NIBAN1: variants seen among roughly 807,000 people sequenced by gnomAD.
NIBAN1 encodes protein Niban 1.
A neutral mutation model predicts 75.1 loss-of-function variants in NIBAN1; 81 were observed. The observed-to-expected ratio is 1.08, with a 90% CI of 0.90 to 1.30. The LOEUF (loss-of-function observed/expected upper bound fraction) is 1.30. Ranked by LOEUF, NIBAN1 falls within the 50% of genes most tolerant of loss-of-function variation. NIBAN1 has a pLI of 0.00. For missense variants in NIBAN1, 1,133 were observed against 1,128.1 expected (o/e 1.00, Z -0.06); for synonymous variants, 436 against 424.8 (o/e 1.03, Z -0.32).
intron 1 of NIBAN1, among the ~76,000 whole-genome samples, chr1:184,956,888 A>G (rs772022371): frequency 3.9e-5 from 6 of 152,326 alleles, no homozygotes; most frequent in Middle Eastern, 3.4e-3. Flanking sequence ...TGAGTGAGAT[A>G]CAAATCACTA....
At chr1:184,905,422 C>A (rs1402974837) in intron 1 of NIBAN1, among the ~76,000 whole-genome samples, 2 of 152,064 alleles carry the variant, frequency 1.3e-5, no homozygotes, top group Non-Finnish European at 2.9e-5. Flanking sequence ...ATATCACTAT[C>A]TTTGTAAGAA....
intron 1 of NIBAN1, among the ~76,000 whole-genome samples, chr1:184,905,414 A>G (rs1235128440): frequency 6.6e-6 from 1 of 152,046 alleles, no homozygotes; most frequent in Non-Finnish European, 1.5e-5. Flanking sequence ...GCAAGATCAT[A>G]TCACTATCTT....
At chr1:184,812,511 T>C (rs554268174) in intron 9 of NIBAN1, among the ~76,000 whole-genome samples, 1 of 152,300 alleles carries the variant, frequency 6.6e-6, no homozygotes, top group African/African-American at 2.4e-5. Context: ...CTGGCTTCTC[T>C]CTATATATAA....
At chr1:184,946,494 G>C (rs1199507709) in intron 1 of NIBAN1, among the ~76,000 whole-genome samples, 1 of 151,980 alleles carries the variant, frequency 6.6e-6, no homozygotes, top group South Asian at 2.1e-4. Flanking sequence ...AAGGATGAAT[G>C]GAAATGTATG....
chr1:184,808,917 T>A (rs1344549052), intron 9 of NIBAN1, among the ~76,000 whole-genome samples: 2 of 152,224 alleles, frequency 1.3e-5, no homozygotes, highest in Non-Finnish European at 1.5e-5. Context: ...TAAAGTGTTA[T>A]CAACAAATGT....
chr1:184,806,480 G>A (rs1359488995), intron 10 of NIBAN1, among the ~76,000 whole-genome samples: 2 of 152,176 alleles, frequency 1.3e-5, no homozygotes, highest in Non-Finnish European at 2.9e-5. Context: ...GTCAGGGATG[G>A]GTGGGGACAG....
chr1:184,936,944 A>G (rs1657976489), intron 1 of NIBAN1, among the ~76,000 whole-genome samples: 1 of 152,114 alleles, frequency 6.6e-6, no homozygotes, highest in African/African-American at 2.4e-5. Flanking sequence ...AGATGTTTTC[A>G]AGTAAAGAAA....
chr1:184,804,979 G>A (rs1217972572), intron 11 of NIBAN1, among the ~76,000 whole-genome samples: 2 of 152,024 alleles, frequency 1.3e-5, no homozygotes, highest in African/African-American at 4.8e-5. Flanking sequence ...TAGTAGAGAC[G>A]GGGTTTCACC....
At chr1:184,837,521 C>T (rs1316131582) in intron 5 of NIBAN1, among the ~76,000 whole-genome samples, 1 of 152,148 alleles carries the variant, frequency 6.6e-6, no homozygotes, top group African/African-American at 2.4e-5. Flanking sequence ...GTAAGTGGCC[C>T]TGGCATTCAT....
intron 1 of NIBAN1, among the ~76,000 whole-genome samples, chr1:184,903,945 G>A (rs902161988): frequency 2.6e-5 from 4 of 150,972 alleles, no homozygotes; most frequent in Non-Finnish European, 3.0e-5. Flanking sequence ...CCCCCAGGCT[G>A]TAGTGCAGTG....
intron 1 of NIBAN1, among the ~76,000 whole-genome samples, chr1:184,944,513 TA>T (rs1252160246): frequency 6.6e-6 from 1 of 152,254 alleles, no homozygotes; most frequent in African/African-American, 2.4e-5. Flanking sequence ...GTGAATAGGA[TA>T]TTTTCTGTTT....
At chr1:184,871,141 G>A (rs367544689) in intron 5 of NIBAN1, among the ~76,000 whole-genome samples, 1 of 152,054 alleles carries the variant, frequency 6.6e-6, no homozygotes, top group East Asian at 1.9e-4. Flanking sequence ...GAGGTCAGGA[G>A]TTCAAGACTA....
chr1:184,851,398 C>T (rs1402695630), intron 5 of NIBAN1, among the ~76,000 whole-genome samples: 2 of 40,112 alleles, frequency 5.0e-5, no homozygotes, highest in Non-Finnish European at 4.4e-5. Flanking sequence ...CCAAACACCG[C>T]ATATTCTCAC....
chr1:184,812,611 T>A (rs1310655945), intron 9 of NIBAN1, among the ~76,000 whole-genome samples: 1 of 152,374 alleles, frequency 6.6e-6, no homozygotes, highest in East Asian at 1.9e-4. Context: ...ATAGCAGTAC[T>A]TTCTCTTGGT....
chr1:184,958,363 G>GCCACACACACACACAC (rs1658541748), intron 1 of NIBAN1, among the ~76,000 whole-genome samples: 1 of 82,422 alleles, frequency 1.2e-5, no homozygotes, highest in Non-Finnish European at 2.3e-5. Context: ...TGACAGAGGA[G>GCCACACACACACACAC]TCACACACAC....
chr1:184,855,151 A>G (rs1477827870), intron 5 of NIBAN1, among the ~76,000 whole-genome samples: 1 of 152,220 alleles, frequency 6.6e-6, no homozygotes, highest in African/African-American at 2.4e-5. Flanking sequence ...CGAATAAGGC[A>G]ATATTTATTT....
At chr1:184,796,175 A>G in intron 13 of NIBAN1, 78 bp from the exon 14 acceptor site, 1 of 1,435,030 alleles carries the variant, frequency 7.0e-7, no homozygotes, top group Non-Finnish European at 9.2e-7. Flanking sequence ...CTCTCTGGCT[A>G]TCCAAATTTC....
chr1:184,829,993 G>A (rs1007569421), intron 6 of NIBAN1, among the ~76,000 whole-genome samples: 49 of 152,146 alleles, frequency 3.2e-4, no homozygotes, highest in Non-Finnish European at 2.9e-5. Flanking sequence ...GAAACTATCA[G>A]CTCCACAGGG....
chr1:184,885,313 C>T (rs1284625057), intron 4 of NIBAN1, among the ~76,000 whole-genome samples: 4 of 152,150 alleles, frequency 2.6e-5, no homozygotes, highest in Non-Finnish European at 5.9e-5. Flanking sequence ...GCTGGGATTA[C>T]AGGCATAAGC....
Sources: gnomAD v4.1 joint callset for allele counts (sites outside exome capture counted in the v4.1 genomes callset) on GRCh38, gnomAD v4.1.1 for gene constraint, MANE v1.5 for transcripts, NCBI Gene and HGNC (gene_info 2026-07-23, HGNC 2026-07-21) for gene names.